The following CELF5 variants were observed in gnomAD, a reference collection of about 807,000 sequenced individuals.
CELF5 encodes CUGBP Elav-like family member 5.
In CELF5, 6 loss-of-function variants were observed where a neutral mutation model predicts 54.9. That is an observed-to-expected ratio of 0.11 (90% CI 0.06 to 0.22). CELF5 has a LOEUF of 0.22. Among genes scored for constraint, CELF5 ranks in the 10% least tolerant of loss-of-function variants. The pLI is 1.00. For missense variants in CELF5, 401 were observed against 678.6 expected, an observed-to-expected ratio of 0.59 and a Z score of 4.54; for synonymous variants, 271 against 290.9, an observed-to-expected ratio of 0.93 and a Z score of 0.70.
Position 3,268,443 on chromosome 19 carries a change from C to T in CELF5, c.343-5429C>T, listed in dbSNP as rs1338105848. 6.6e-6 allele frequency among the ~76,000 whole-genome samples: 1 copy of T among 152,152 alleles called. No homozygotes were observed. Among genetic ancestry groups the T allele is most frequent in the Non-Finnish European group, 1.5e-5 (1 of 68,034 alleles). On this transcript the variant is annotated intron_variant, in intron 2 of 12. Coordinates refer to ENST00000292672, the MANE Select transcript of CELF5 (RefSeq NM_021938.4). This position sits in a 1 kb window ranked among gnomAD's most constrained non-coding sequence, Gnocchi z 4.4. ...GAACCATCCTGGGCACGTCAAGCTG[C>T]GAGACTCGGGGCGTCGTGTCATCTT... is the stretch of plus-strand genomic sequence containing the variant.
chr19:3,253,107 A>AG (rs1568340302), intron 2 of CELF5, among the ~76,000 whole-genome samples: 7 of 152,030 alleles, frequency 4.6e-5, no homozygotes, highest in African/African-American at 1.4e-4. Flanking sequence ...ACATTAAAAA[A>AG]AAAAAGAAAG....
intron 12 of CELF5, chr19:3,296,457 G>GAAAAAAAAAAA (rs2080453313): frequency 1.5e-5 from 1 of 67,000 alleles, no homozygotes; most frequent in Admixed American, 1.7e-4. Flanking sequence ...AAAAAAAAAA[G>GAAAAAAAAAAA]AAAAGAAAAA....
Position 3,269,977 on chromosome 19 carries a change from G to A in CELF5, c.343-3895G>A, listed in dbSNP as rs183674096. On this transcript the variant is annotated intron_variant, in intron 2 of 12. Coordinates refer to ENST00000292672, the MANE Select transcript of CELF5 (RefSeq NM_021938.4). Reference sequence around the variant, plus strand: ...TCATTAAGTTGTCTTAAGACTAAACGGGTCAGCAGATGTGGGTGTTGCTCC... The same window carrying A: ...TCATTAAGTTGTCTTAAGACTAAACAGGTCAGCAGATGTGGGTGTTGCTCC... 3.4e-3 allele frequency among the ~76,000 whole-genome samples: 524 copies of A among 152,290 alleles called. 5 individuals carry two copies. Among genetic ancestry groups the A allele is most frequent in the Non-Finnish European group, 3.7e-3 (254 of 68,030 alleles).
At chr19:3,267,068 T>TGTGTGC (rs1222466004) in intron 2 of CELF5, among the ~76,000 whole-genome samples, 8 of 147,298 alleles carry the variant, frequency 5.4e-5, no homozygotes, top group African/African-American at 1.8e-4. Context: ...AACACCTCTG[T>TGTGTGC]GTGTGCGTGT....
intron 1 of CELF5, among the ~76,000 whole-genome samples, chr19:3,242,032 C>T (rs956568584): frequency 2.6e-5 from 4 of 152,090 alleles, no homozygotes; most frequent in Non-Finnish European, 2.9e-5. Flanking sequence ...GCCTTGGCCT[C>T]GCAAAATGCT....
At chr19:3,246,568 C>T (rs1352011991) in intron 1 of CELF5, among the ~76,000 whole-genome samples, 9 of 151,734 alleles carry the variant, frequency 5.9e-5, no homozygotes, top group Non-Finnish European at 1.3e-4. Context: ...ATAATAACAG[C>T]TGGGTGTGGT....
intron 1 of CELF5, chr19:3,225,462 T>TGCCC: frequency 7.9e-5 from 5 of 63,222 alleles, no homozygotes; most frequent in Non-Finnish European, 1.4e-4. Context: ...CCGGCACCCC[T>TGCCC]CCCTGCCCCC....
intron 1 of CELF5, among the ~76,000 whole-genome samples, chr19:3,244,478 CTGTG>C (rs1188376642): frequency 7.2e-6 from 1 of 139,150 alleles, no homozygotes; most frequent in African/African-American, 2.7e-5. Flanking sequence ...GTGCATGCAT[CTGTG>C]TGTGCGGTGT....
rs1309007629 is a variant in CELF5, at chr19:3,281,196, C to T, written c.604-3C>T. 8 of 1,603,492 alleles carry T rather than the reference C, an allele frequency of 5.0e-6. No homozygotes were observed. Among genetic ancestry groups the T allele is most frequent in the Non-Finnish European group, 6.8e-6 (8 of 1,177,384 alleles). On this transcript the variant is annotated splice_region_variant and splice_polypyrimidine_tract_variant and intron_variant, in intron 5 of 12. Coordinates refer to ENST00000292672, the MANE Select transcript of CELF5 (RefSeq NM_021938.4). The surrounding 1 kb of genome is among the most constrained non-coding windows in gnomAD (Gnocchi z 6.5). ...CCCTCCCTGCTCGCCGCTGCCCCTG[C>T]AGGGAGCCTCCTCCAGCCTGGTGGT...
At chr19:3,248,926 CTTTTCT>C (rs757588731) in intron 1 of CELF5, among the ~76,000 whole-genome samples, 4 of 95,380 alleles carry the variant, frequency 4.2e-5, no homozygotes, top group African/African-American at 1.1e-4. Context: ...TTCTTTCTTT[CTTTTCT>C]TTTCTTTTCT....
In CELF5 at chr19:3,275,256, C is replaced by T. The variant is rs1332466408; in HGVS notation, c.395-600C>T. Among the ~76,000 whole-genome samples the T allele has an allele frequency of 6.6e-6, 1 of 152,184 alleles. No individual in the cohort carries two copies. Among genetic ancestry groups the T allele is most frequent in the African/African-American group, 2.4e-5 (1 of 41,454 alleles). ...AGACCAGGTTCCAGCCCAGCCCCAC[C>T]CAGCAGGGGGTCCAGCCTGCCAAGG... On this transcript the variant is annotated intron_variant, in intron 3 of 12. Coordinates refer to ENST00000292672, the MANE Select transcript of CELF5 (RefSeq NM_021938.4). The surrounding 1 kb of genome is among the most constrained non-coding windows in gnomAD (Gnocchi z 6.7).
At chr19:3,264,030 C>T (rs887359694) in intron 2 of CELF5, among the ~76,000 whole-genome samples, 2 of 152,170 alleles carry the variant, frequency 1.3e-5, no homozygotes, top group Admixed American at 6.5e-5. Flanking sequence ...CTCTGGAATC[C>T]ACCCCATGCC....
At chr19:3,260,534 A>T (rs1435228589) in intron 2 of CELF5, among the ~76,000 whole-genome samples, 2 of 151,796 alleles carry the variant, frequency 1.3e-5, no homozygotes, top group African/African-American at 4.8e-5. Context: ...GGCTCACTGC[A>T]ACCTTCACCT....
At chr19:3,265,899 C>T (rs765677472) in intron 2 of CELF5, among the ~76,000 whole-genome samples, 2 of 152,004 alleles carry the variant, frequency 1.3e-5, no homozygotes, top group Admixed American at 6.6e-5. Context: ...CTCTGTCTCC[C>T]GGGTTCAAGT....
intron 2 of CELF5, among the ~76,000 whole-genome samples, chr19:3,266,852 G>A (rs757218069): frequency 6.6e-6 from 1 of 152,176 alleles, no homozygotes; most frequent in Non-Finnish European, 1.5e-5. Context: ...GTCTGAGCAC[G>A]CTCGCTCATC....
chr19:3,281,422 C>T lies in CELF5; in HGVS notation c.750+77C>T. 1 of 1,487,672 alleles carries T rather than the reference C, an allele frequency of 6.7e-7. No homozygotes were observed. Among genetic ancestry groups the T allele is most frequent in the African/African-American group, 1.4e-5 (1 of 72,848 alleles). The allele number at this position is 1,487,672 out of a possible 1,614,324, so 92.2% of individuals were successfully genotyped here. A position where few individuals can be genotyped will look rare whatever the true frequency, so the allele number is the denominator to read the frequency against. Reference sequence around the variant, plus strand: ...CTGTCTACTCTCTGTCGGGCTCCTGCCTCTCCCTCCATCTCCCTGACTCAG... The same window carrying T: ...CTGTCTACTCTCTGTCGGGCTCCTGTCTCTCCCTCCATCTCCCTGACTCAG... On this transcript the variant is annotated intron_variant, in intron 6 of 12. Coordinates refer to ENST00000292672, the MANE Select transcript of CELF5 (RefSeq NM_021938.4). The surrounding 1 kb of genome is among the most constrained non-coding windows in gnomAD (Gnocchi z 6.5).
intron 9 of CELF5, 34 bp downstream of exon 9, chr19:3,284,998 T>TGGCCCCGCCCCAGCCCAG: frequency 6.6e-7 from 1 of 1,504,258 alleles, no homozygotes. Context: ...CGCTGGGCCC[T>TGGCCCCGCCCCAGCCCAG]GGCCCCGCCC....
rs938244154 is a variant in CELF5, at chr19:3,285,594, C to T, written c.1103-348C>T. Among the ~76,000 whole-genome samples the T allele has an allele frequency of 8.7e-5, 12 of 138,566 alleles. 1 individual carries two copies. Among genetic ancestry groups the T allele is most frequent in the Admixed American group, 3.7e-4 (5 of 13,480 alleles). 90.9% of individuals were successfully genotyped at this position (138,566 alleles called of 152,430 possible). A position where few individuals can be genotyped will look rare whatever the true frequency, so the allele number is the denominator to read the frequency against. ...AATGGTCCCGCCCACTCTGGACTGTCCTGTAGCCTTGGCCCCGCCCTCTAC... is the reference window on the plus strand; with the variant it reads ...AATGGTCCCGCCCACTCTGGACTGTTCTGTAGCCTTGGCCCCGCCCTCTAC... On this transcript the variant is annotated intron_variant, in intron 9 of 12. Coordinates refer to ENST00000292672, the MANE Select transcript of CELF5 (RefSeq NM_021938.4).
chr19:3,270,242 G>T (rs1407551645), intron 2 of CELF5, among the ~76,000 whole-genome samples: 1 of 152,124 alleles, frequency 6.6e-6, no homozygotes, highest in Non-Finnish European at 1.5e-5. Flanking sequence ...AGCCTTGGGG[G>T]CCCCAGAACC....
Sources: gnomAD v4.1 joint callset for allele counts (sites outside exome capture counted in the v4.1 genomes callset) on GRCh38, gnomAD v4.1.1 for gene constraint, Gnocchi (gnomAD v3.1) non-coding constraint, MANE v1.5 for transcripts, NCBI Gene and HGNC (gene_info 2026-07-23, HGNC 2026-07-21) for gene names.